MGAT4C: variants seen among roughly 807,000 people sequenced by gnomAD.
MGAT4C encodes the protein alpha-1,3-mannosyl-glycoprotein 4-beta-N-acetylglucosaminyltransferase C.
Under a neutral mutation model 40.1 loss-of-function variants are expected in MGAT4C, and 19 were observed. That is an observed-to-expected ratio of 0.47 (90% CI 0.33 to 0.70). The LOEUF is 0.70. MGAT4C is among the 30% of genes least tolerant of loss of function. The probability of loss-of-function intolerance (pLI) is 0.02; values close to 1 mark genes in which losing one functional copy is unlikely to be tolerated. For synonymous variants in MGAT4C, 181 were observed against 187.1 expected (o/e 0.97, Z 0.27); for missense variants, 491 against 563.2 (o/e 0.87, Z 1.30).
At chr12:85,990,977 A>C (rs1157464232) in intron 2 of MGAT4C, among the ~76,000 whole-genome samples, 1 of 152,178 alleles carries the variant, frequency 6.6e-6, no homozygotes, top group Admixed American at 6.5e-5. Flanking sequence ...TTCTGATCAG[A>C]AACCTCTGTG....
chr12:86,457,677 G>A (rs750560481), intron 2 of MGAT4C, among the ~76,000 whole-genome samples: 26 of 152,088 alleles, frequency 1.7e-4, no homozygotes, highest in Non-Finnish European at 3.2e-4. Flanking sequence ...GAGCAAGAGA[G>A]ACTTCTAGTC....
chr12:86,250,825 C>A (rs1952243396), intron 1 of MGAT4C, among the ~76,000 whole-genome samples: 1 of 151,842 alleles, frequency 6.6e-6, no homozygotes, highest in Admixed American at 6.6e-5. Context: ...CCGTGTTTAC[C>A]AACAAAATCT....
intron 2 of MGAT4C, among the ~76,000 whole-genome samples, chr12:86,502,936 A>T (rs1958385842): frequency 7.8e-5 from 1 of 12,850 alleles, no homozygotes; most frequent in Non-Finnish European, 1.4e-4. Flanking sequence ...TATATATATG[A>T]GTTCTGCTCA....
intron 2 of MGAT4C, among the ~76,000 whole-genome samples, chr12:86,653,008 A>T (rs1224341059): frequency 2.6e-5 from 4 of 151,912 alleles, no homozygotes; most frequent in Non-Finnish European, 5.9e-5. Context: ...AATTAAAGCT[A>T]TAGGGGCTTT....
intron 1 of MGAT4C, among the ~76,000 whole-genome samples, chr12:86,178,764 A>G (rs1165638878): frequency 6.6e-6 from 1 of 152,098 alleles, no homozygotes; most frequent in African/African-American, 2.4e-5. Flanking sequence ...TTAGCTTGTC[A>G]TTTCATTATC....
intron 1 of MGAT4C, among the ~76,000 whole-genome samples, chr12:86,222,876 G>C (rs1950935674): frequency 6.6e-6 from 1 of 152,164 alleles, no homozygotes; most frequent in Non-Finnish European, 1.5e-5. Context: ...GCTGGAAGAA[G>C]CTTCCGGATG....
rs532963298 is a variant in MGAT4C at position 86,292,414 on chromosome 12, T to A, written c.-57+41651A>T. The stretch of plus-strand genomic sequence containing the variant: ...ATTCATAATTTTTCAGTCTATTATT[T>A]AAAGAATAAGAAGAAAAACCCTACT... On this transcript the variant is annotated intron_variant, in intron 4 of 7. Transcript: ENST00000548651. 1.6e-4 allele frequency among the ~76,000 whole-genome samples: 23 copies of A among 146,770 alleles called. No individual in the cohort carries two copies. In the South Asian group the frequency reaches 2.3e-3, roughly 14 times the overall value.
chr12:86,495,149 T>C (rs1958215050), intron 2 of MGAT4C: 1 of 152,072 alleles, frequency 6.6e-6, no homozygotes, highest in African/African-American at 2.4e-5. Context: ...TTTATTTGCA[T>C]ATCAATAGGT....
At chr12:86,712,866 T>C (rs1950581985) in intron 2 of MGAT4C, among the ~76,000 whole-genome samples, 1 of 152,042 alleles carries the variant, frequency 6.6e-6, no homozygotes, top group Non-Finnish European at 1.5e-5. Context: ...CCAATACCTA[T>C]CGATTTATAA....
chr12:86,741,554 G>A (rs2136130627), intron 1 of MGAT4C, among the ~76,000 whole-genome samples: 2 of 151,446 alleles, frequency 1.3e-5, no homozygotes, highest in South Asian at 2.1e-4. Context: ...TGAAGTGTAA[G>A]TAATGCTTGA....
intron 1 of MGAT4C, among the ~76,000 whole-genome samples, chr12:86,188,899 A>C (rs1045192625): frequency 2.6e-5 from 4 of 152,080 alleles, no homozygotes; most frequent in Admixed American, 2.6e-4. Flanking sequence ...ATTTTAAATA[A>C]ATAATATAAA....
intron 3 of MGAT4C, among the ~76,000 whole-genome samples, chr12:86,377,913 A>G (rs1955860635): frequency 6.6e-6 from 1 of 152,144 alleles, no homozygotes; most frequent in African/African-American, 2.4e-5. Flanking sequence ...TGCTGTCTCT[A>G]TGAACTTGAT....
intron 1 of MGAT4C, among the ~76,000 whole-genome samples, chr12:86,155,647 C>T (rs1355547646): frequency 6.6e-6 from 1 of 152,068 alleles, no homozygotes; most frequent in Non-Finnish European, 1.5e-5. Context: ...AATGTTACAA[C>T]AGATGACACT....
intron 2 of MGAT4C, among the ~76,000 whole-genome samples, chr12:86,608,430 A>C (rs1200930366): frequency 6.6e-6 from 1 of 151,994 alleles, no homozygotes; most frequent in Non-Finnish European, 1.5e-5. Flanking sequence ...AAATTTAAAA[A>C]AATAACAAGG....
chr12:86,504,480 A>G (rs1226984284), intron 2 of MGAT4C, among the ~76,000 whole-genome samples: 1 of 152,186 alleles, frequency 6.6e-6, no homozygotes, highest in Non-Finnish European at 1.5e-5. Flanking sequence ...ATGTATACAT[A>G]CACTTCATAA....
At chr12:86,322,939 A>T (rs984290185) in intron 4 of MGAT4C, among the ~76,000 whole-genome samples, 3 of 151,994 alleles carry the variant, frequency 2.0e-5, no homozygotes, top group Admixed American at 6.6e-5. Context: ...TTAATTTTAT[A>T]TTTTATTCAT....
At chr12:86,106,891 A>G (rs1415351591) in intron 1 of MGAT4C, among the ~76,000 whole-genome samples, 1 of 152,152 alleles carries the variant, frequency 6.6e-6, no homozygotes, top group Non-Finnish European at 1.5e-5. Context: ...TTCCAAATCC[A>G]CATTTTCCTT....
intron 2 of MGAT4C, among the ~76,000 whole-genome samples, chr12:86,039,513 G>C (rs965661695): frequency 9.9e-5 from 15 of 152,000 alleles, no homozygotes; most frequent in African/African-American, 3.6e-4. Context: ...GATGGATTCG[G>C]CTATTGATAC....
chr12:86,746,975 C>G (rs749401263), intron 1 of MGAT4C, among the ~76,000 whole-genome samples: 2 of 151,538 alleles, frequency 1.3e-5, no homozygotes, highest in Admixed American at 1.3e-4. Context: ...GGTTTCCATC[C>G]TCTGATGTAC....
Sources: gnomAD v4.1 joint callset for allele counts (sites outside exome capture counted in the v4.1 genomes callset) on GRCh38, gnomAD v4.1.1 for gene constraint, MANE v1.5 for transcripts, NCBI Gene and HGNC (gene_info 2026-07-23, HGNC 2026-07-21) for gene names.